Variants in MROH9 observed in about 807,000 individuals in gnomAD.
MROH9 encodes the protein maestro heat-like repeat-containing protein family member 9.
In MROH9, 92 loss-of-function variants were observed where a neutral mutation model predicts 98.2. That is an observed-to-expected ratio of 0.94 (90% CI 0.79 to 1.11). MROH9 has a LOEUF of 1.11. Among genes scored for constraint, MROH9 ranks in the 50% most tolerant of loss-of-function variants. MROH9 has a pLI of 0.00. For missense variants in MROH9, 1,057 were observed against 1,014.8 expected (o/e 1.04, Z -0.57); for synonymous variants, 397 against 368.9 (o/e 1.08, Z -0.87).
intron 1 of MROH9, among the ~76,000 whole-genome samples, chr1:170,938,603 G>A (rs995403855): frequency 2.6e-5 from 4 of 152,252 alleles, no homozygotes; most frequent in African/African-American, 7.2e-5. Flanking sequence ...TTCTTTGGCT[G>A]TGAAGTGAGT....
intron 15 of MROH9, 81 bp downstream of exon 15, chr1:170,998,355 A>G (rs767206523): frequency 1.9e-6 from 3 of 1,612,010 alleles, no homozygotes; most frequent in South Asian, 2.2e-5. Context: ...AGTTTCTCGT[A>G]TCTCTCCCTC....
Position 171,037,037 on chromosome 1 carries a change from A to C in MROH9, c.2281+11617A>C, listed in dbSNP as rs187197416. Among the ~76,000 whole-genome samples, 1,043 of 149,068 alleles carry C rather than the reference A, an allele frequency of 7.0e-3. 9 individuals carry two copies. The highest frequency in any genetic ancestry group is 0.024 in the African/African-American group (991 of 41,366). On this transcript the variant is annotated intron_variant, in intron 20 of 21. Coordinates refer to ENST00000367759, the MANE Select transcript of MROH9 (RefSeq NM_001163629.2). The stretch of plus-strand genomic sequence containing the variant: ...GACACACAAGAGGCTTCAAGAGCAC[A>C]AGTATTTTTTATTTTTTAAGTCCAT...
At chr1:171,023,992 G>A (rs1035077998) in intron 17 of MROH9, among the ~76,000 whole-genome samples, 1 of 152,130 alleles carries the variant, frequency 6.6e-6, no homozygotes, top group African/African-American at 2.4e-5. Context: ...ATATAAGTGA[G>A]ATCATGCAAT....
chr1:171,044,767 C>A (rs545573882), intron 20 of MROH9, among the ~76,000 whole-genome samples: 12 of 151,824 alleles, frequency 7.9e-5, no homozygotes, highest in African/African-American at 2.9e-4. Flanking sequence ...CTCATACTAG[C>A]CACTAATGAT....
In MROH9 at chr1:170,986,609, A is replaced by C. The variant is rs1175673673; in HGVS notation, c.778A>C (p.Ser260Arg). 3 of 1,613,756 alleles carry C rather than the reference A, an allele frequency of 1.9e-6. No individual in the cohort carries two copies. In the African/African-American group the frequency reaches 4.0e-5, roughly 22 times the overall value. The change falls in exon 10 of 22, where the codon AGT becomes CGT. Residue 260 changes from serine to arginine, a missense_variant. Transcript: ENST00000367759. ...TCCCTTGCTGACTGACTTTGTGCAG[A>C]GTCTCCTGATGAAACTCTCTTCACC... ...LPPLLTDFVQSLLMKLSSPDD... is the reference protein window; with the variant it reads ...LPPLLTDFVQRLLMKLSSPDD...
intron 8 of MROH9, 51 bp downstream of exon 8, chr1:170,971,934 G>C: frequency 6.3e-7 from 1 of 1,588,786 alleles, no homozygotes; most frequent in South Asian, 1.1e-5. Flanking sequence ...TATGTCCCTC[G>C]TTATTCAACT....
At chr1:170,969,539 T>C (rs965917575) in intron 7 of MROH9, among the ~76,000 whole-genome samples, 1 of 152,206 alleles carries the variant, frequency 6.6e-6, no homozygotes, top group Non-Finnish European at 1.5e-5. Context: ...GGAATTGAGA[T>C]AGACAATGTC....
chr1:171,020,019 A>T (rs754903110), intron 17 of MROH9, among the ~76,000 whole-genome samples: 20 of 152,206 alleles, frequency 1.3e-4, no homozygotes, highest in Admixed American at 2.0e-4. Flanking sequence ...AATCAAGAAG[A>T]AATGGGTAAA....
chr1:171,003,839 G>T (rs1651862315), intron 15 of MROH9, among the ~76,000 whole-genome samples: 2 of 152,234 alleles, frequency 1.3e-5, no homozygotes, highest in South Asian at 2.1e-4. Flanking sequence ...TGCTATCAGG[G>T]TGGGTAGGGA....
intron 19 of MROH9, among the ~76,000 whole-genome samples, chr1:171,024,972 T>C (rs1364585113): frequency 6.6e-6 from 1 of 152,170 alleles, no homozygotes; most frequent in Non-Finnish European, 1.5e-5. Context: ...TGATCATCCA[T>C]CTTATCTTCT....
intron 20 of MROH9, among the ~76,000 whole-genome samples, chr1:171,031,883 T>A (rs148927124): frequency 8.0e-4 from 122 of 152,322 alleles, no homozygotes; most frequent in South Asian, 1.7e-3. Context: ...TTCCAGCTTG[T>A]TTCCATTCTC....
Position 170,998,145 on chromosome 1 carries a change from C to G in MROH9, c.1476-9C>G, listed in dbSNP as rs1651649751. ...CTTTGCTAATTCAGTGCCTTATTCTCTTTTACAGAACTCTCAGTGAATATA... is the reference window on the plus strand; with the variant it reads ...CTTTGCTAATTCAGTGCCTTATTCTGTTTTACAGAACTCTCAGTGAATATA... On this transcript the variant is annotated splice_polypyrimidine_tract_variant and intron_variant, in intron 14 of 21. Transcript: ENST00000367759. 2 of 1,590,770 alleles carry G rather than the reference C, an allele frequency of 1.3e-6. No homozygotes were observed. Among genetic ancestry groups the G allele is most frequent in the East Asian group, 4.5e-5 (2 of 44,666 alleles).
intron 3 of MROH9, among the ~76,000 whole-genome samples, chr1:170,957,004 T>G (rs1036034023): frequency 7.5e-6 from 1 of 133,222 alleles, no homozygotes; most frequent in Non-Finnish European, 1.6e-5. Flanking sequence ...CCATTTGTAA[T>G]TGGATTATCT....
Position 170,989,713 on chromosome 1 carries a change from T to A in MROH9, c.880-142T>A, listed in dbSNP as rs548973657. 1.5e-5 allele frequency: 9 copies of A among 615,060 alleles called. No individual in the cohort carries two copies. In the Admixed American group the frequency reaches 2.5e-4, roughly 17 times the overall value. The allele number at this position is 615,060 out of a possible 1,614,324, so 38.1% of individuals were successfully genotyped here. A position where few individuals can be genotyped will look rare whatever the true frequency, so the allele number is the denominator to read the frequency against. ...TGTGTAGTCACACATGTAAATATGC[T>A]TTCTACTAGTGCTTATCTGTATGTT... On this transcript the variant is annotated intron_variant, in intron 10 of 21. Transcript: ENST00000367759.
At chr1:170,943,904 T>C (rs1230428743) in intron 1 of MROH9, among the ~76,000 whole-genome samples, 2 of 151,980 alleles carry the variant, frequency 1.3e-5, no homozygotes, top group Non-Finnish European at 2.9e-5. Flanking sequence ...GCAGTATGCA[T>C]AGAATCTGTT....
At chr1:171,001,062 A>T (rs1447497047) in intron 15 of MROH9, among the ~76,000 whole-genome samples, 1 of 152,068 alleles carries the variant, frequency 6.6e-6, no homozygotes, top group Non-Finnish European at 1.5e-5. Flanking sequence ...GATCTTTTGT[A>T]TCTCAATGGT....
chr1:170,965,096 G>T (rs969082269), intron 6 of MROH9, 55 bp from the exon 7 acceptor site: 6 of 1,298,380 alleles, frequency 4.6e-6, no homozygotes, highest in African/African-American at 1.5e-5. Flanking sequence ...TAGAGGAAAG[G>T]TTCTTGGAAA....
At chr1:170,947,149 G>A (rs962553473) in intron 2 of MROH9, among the ~76,000 whole-genome samples, 2 of 151,814 alleles carry the variant, frequency 1.3e-5, no homozygotes, top group Non-Finnish European at 2.9e-5. Flanking sequence ...ATTTAAAAAT[G>A]TTATCAAGTT....
intron 20 of MROH9, among the ~76,000 whole-genome samples, chr1:171,050,154 G>T (rs1227491019): frequency 2.6e-5 from 4 of 152,044 alleles, no homozygotes; most frequent in Non-Finnish European, 2.9e-5. Flanking sequence ...CCATTTGTCT[G>T]CTTTTGTTTT....
Sources: allele counts gnomAD v4.1 joint callset (sites outside exome capture counted in the v4.1 genomes callset), GRCh38; gene constraint gnomAD v4.1.1; transcripts MANE v1.5; gene names NCBI Gene and HGNC (gene_info 2026-07-23, HGNC 2026-07-21).